Variants in TAFA4 observed in about 807,000 individuals in gnomAD.
TAFA4 encodes the protein TAFA chemokine like family member 4, also known as chemokine-like protein TAFA-4.
Under a neutral mutation model 21.1 loss-of-function variants are expected in TAFA4, and 20 were observed. The ratio of observed to expected loss-of-function variants is 0.95; its 90% CI spans 0.67 to 1.38. The LOEUF is 1.38. TAFA4 is among the 40% of genes most tolerant of loss of function. The pLI is 0.00. For missense variants in TAFA4, 211 were observed against 180.9 expected (o/e 1.17, Z -0.95); for synonymous variants, 71 against 67.4 (o/e 1.05, Z -0.26).
intron 3 of TAFA4, among the ~76,000 whole-genome samples, chr3:68,824,029 G>A (rs186490065): frequency 2.0e-5 from 3 of 152,260 alleles, no homozygotes; most frequent in Admixed American, 2.0e-4. Flanking sequence ...AGGGATCCAT[G>A]ACTCAGAGAA....
At chr3:68,793,203 T>C (rs1387704982) in intron 3 of TAFA4, among the ~76,000 whole-genome samples, 1 of 152,060 alleles carries the variant, frequency 6.6e-6, no homozygotes, top group Non-Finnish European at 1.5e-5. Context: ...TCTAATTCCA[T>C]TCAGAAAAAA....
intron 4 of TAFA4, among the ~76,000 whole-genome samples, chr3:68,750,027 C>G (rs1310018922): frequency 6.6e-6 from 1 of 152,206 alleles, no homozygotes; most frequent in Admixed American, 6.5e-5. Flanking sequence ...AGACTCTGCT[C>G]AGATGCTCCA....
chr3:68,867,847 A>G (rs1203618546), intron 3 of TAFA4, among the ~76,000 whole-genome samples: 2 of 152,094 alleles, frequency 1.3e-5, no homozygotes, highest in African/African-American at 4.8e-5. Flanking sequence ...TAATAGATAC[A>G]ATAACAATGA....
intron 3 of TAFA4, among the ~76,000 whole-genome samples, chr3:68,760,038 G>C (rs1702731778): frequency 6.6e-6 from 1 of 152,088 alleles, no homozygotes; most frequent in African/African-American, 2.4e-5. Flanking sequence ...CCACACTTCT[G>C]AAATTGCAAT....
intron 3 of TAFA4, among the ~76,000 whole-genome samples, chr3:68,767,215 C>T (rs935465918): frequency 1.3e-5 from 2 of 151,900 alleles, no homozygotes; most frequent in Non-Finnish European, 2.9e-5. Flanking sequence ...TAATAATTTA[C>T]CAGAGGATAT....
intron 3 of TAFA4, among the ~76,000 whole-genome samples, chr3:68,780,548 C>T (rs1387147012): frequency 1.3e-5 from 2 of 152,310 alleles, no homozygotes; most frequent in East Asian, 1.9e-4. Context: ...GAGGCATTCC[C>T]TGCACAAGCT....
At chr3:68,811,419 C>A (rs1353970297) in intron 3 of TAFA4, among the ~76,000 whole-genome samples, 1 of 152,102 alleles carries the variant, frequency 6.6e-6, no homozygotes, top group East Asian at 1.9e-4. Flanking sequence ...AAGTTGAAAA[C>A]CTTGAAAACA....
At chr3:68,908,659 C>T (rs548846459) in intron 1 of TAFA4, among the ~76,000 whole-genome samples, 7 of 152,172 alleles carry the variant, frequency 4.6e-5, no homozygotes, top group Admixed American at 1.3e-4. Flanking sequence ...CACTGCTCTC[C>T]GCATGGAAAA....
intron 3 of TAFA4, among the ~76,000 whole-genome samples, chr3:68,766,230 T>C (rs146038978): frequency 3.2e-3 from 491 of 152,222 alleles, no homozygotes; most frequent in Admixed American, 5.8e-3. Context: ...GAGTTTTATA[T>C]ATGTGAGATC....
At chr3:68,734,643 T>A (rs547266295) in intron 5 of TAFA4, among the ~76,000 whole-genome samples, 1 of 152,138 alleles carries the variant, frequency 6.6e-6, no homozygotes, top group Non-Finnish European at 1.5e-5. Context: ...CTTGAGCAAC[T>A]GAATGATGGA....
chr3:68,820,134 T>G (rs1260227893), intron 3 of TAFA4, among the ~76,000 whole-genome samples: 2 of 152,170 alleles, frequency 1.3e-5, no homozygotes, highest in Non-Finnish European at 2.9e-5. Context: ...TCATTTGGAA[T>G]AACACAGATG....
chr3:68,816,625 T>A (rs1186100394), intron 3 of TAFA4, among the ~76,000 whole-genome samples: 1 of 152,174 alleles, frequency 6.6e-6, no homozygotes, highest in Non-Finnish European at 1.5e-5. Flanking sequence ...TTTTCATATA[T>A]AATATCATGT....
At chr3:68,809,374 G>A (rs1703778177) in intron 3 of TAFA4, among the ~76,000 whole-genome samples, 1 of 152,122 alleles carries the variant, frequency 6.6e-6, no homozygotes, top group Non-Finnish European at 1.5e-5. Flanking sequence ...GAACATTAAA[G>A]TTCACTATAA....
At chr3:68,881,419 C>G (rs1367460692) in intron 2 of TAFA4, among the ~76,000 whole-genome samples, 1 of 152,180 alleles carries the variant, frequency 6.6e-6, no homozygotes, top group Non-Finnish European at 1.5e-5. Flanking sequence ...AGTATCAAAA[C>G]AGTTGCTCAA....
intron 3 of TAFA4, among the ~76,000 whole-genome samples, chr3:68,870,167 A>G (rs2089466462): frequency 6.6e-6 from 1 of 152,152 alleles, no homozygotes; most frequent in South Asian, 2.1e-4. Flanking sequence ...CTCTACAAAG[A>G]AAACTATTAA....
At chr3:68,820,890 TA>T (rs1430310432) in intron 3 of TAFA4, among the ~76,000 whole-genome samples, 2 of 152,190 alleles carry the variant, frequency 1.3e-5, no homozygotes, top group Non-Finnish European at 2.9e-5. Flanking sequence ...TTTAAAAATG[TA>T]AATACACCAT....
intron 1 of TAFA4, among the ~76,000 whole-genome samples, chr3:68,914,840 T>C (rs2089989048): frequency 6.6e-6 from 1 of 152,174 alleles, no homozygotes; most frequent in Non-Finnish European, 1.5e-5. Flanking sequence ...GAGAATCGTG[T>C]TGACCTTCCC....
chr3:68,893,943 A>G (rs984168692), intron 1 of TAFA4, among the ~76,000 whole-genome samples: 1 of 152,242 alleles, frequency 6.6e-6, no homozygotes, highest in East Asian at 1.9e-4. Context: ...TAATAAAGCC[A>G]TATTTATAAA....
intron 3 of TAFA4, among the ~76,000 whole-genome samples, chr3:68,800,968 G>T (rs759701645): frequency 1.3e-5 from 2 of 152,138 alleles, no homozygotes; most frequent in Non-Finnish European, 2.9e-5. Context: ...GAAGAGAGAA[G>T]ATGCCACCCC....
Sources: gnomAD v4.1 joint callset for allele counts (sites outside exome capture counted in the v4.1 genomes callset) on GRCh38, gnomAD v4.1.1 for gene constraint, MANE v1.5 for transcripts, NCBI Gene and HGNC (gene_info 2026-07-23, HGNC 2026-07-21) for gene names.